Variants in ISM1 observed in about 807,000 individuals in gnomAD.
ISM1 encodes isthmin 1, also known as isthmin-1.
In ISM1, 25 loss-of-function variants were observed where a neutral mutation model predicts 46.3. The ratio of observed to expected loss-of-function variants is 0.54; its 90% confidence interval spans 0.39 to 0.75. The LOEUF (loss-of-function observed/expected upper bound fraction) is 0.75. ISM1 is among the 30% of genes least tolerant of loss of function. The pLI is 0.00. For synonymous variants in ISM1, 255 were observed against 256.7 expected (o/e 0.99, Z 0.06); for missense variants, 536 against 625.4 (o/e 0.86, Z 1.52).
intron 3 of ISM1, among the ~76,000 whole-genome samples, chr20:13,284,220 T>C (rs1278262556): frequency 6.6e-6 from 1 of 152,202 alleles, no homozygotes; most frequent in Non-Finnish European, 1.5e-5. Context: ...GGTTTACTAG[T>C]GGCCAAGTCA....
intron 3 of ISM1, among the ~76,000 whole-genome samples, chr20:13,280,762 A>G (rs2040230763): frequency 6.6e-6 from 1 of 152,174 alleles, no homozygotes; most frequent in African/African-American, 2.4e-5. Context: ...ACATGGCCCC[A>G]CCTTGGTGCA....
the ISM1 span, among the ~76,000 whole-genome samples, chr20:13,315,793 A>T: frequency 6.6e-6 from 1 of 152,128 alleles, no homozygotes; most frequent in East Asian, 1.9e-4. Context: ...GAAATCATAC[A>T]ATGTCCACTC....
In ISM1 at chr20:13,241,729, C is replaced by CA. The variant is rs1317840136; in HGVS notation, c.138+19816dup. Among the ~76,000 whole-genome samples the CA allele has an allele frequency of 2.6e-5, 4 of 152,106 alleles. No individual in the cohort carries two copies. In the East Asian group the frequency reaches 7.7e-4, roughly 29 times the overall value. On this transcript the variant is annotated intron_variant, in intron 1 of 5. Coordinates refer to ENST00000262487, the MANE Select transcript of ISM1 (RefSeq NM_080826.2). ...AGCAAGTAAGGTTGTGAAGGAAGGGCAGTTGGATTTTGGAACAGTGCTTAG... is the reference window on the plus strand; with the variant it reads ...AGCAAGTAAGGTTGTGAAGGAAGGGCAAGTTGGATTTTGGAACAGTGCTTAG...
At chr20:13,286,792 A>G (rs2040298194) in intron 3 of ISM1, among the ~76,000 whole-genome samples, 2 of 152,252 alleles carry the variant, frequency 1.3e-5, no homozygotes, top group Admixed American at 6.5e-5. Context: ...CATTTCAGGT[A>G]GAAACATGTG....
intron 1 of ISM1, 49 bp downstream of exon 1, chr20:13,221,963 T>TGGGGC: frequency 7.7e-7 from 1 of 1,300,722 alleles, no homozygotes; most frequent in South Asian, 2.2e-5. Flanking sequence ...GGACGGTTTG[T>TGGGGC]GGGGCGGGGG....
intron 1 of ISM1, among the ~76,000 whole-genome samples, chr20:13,252,722 C>T (rs2039881471): frequency 6.6e-6 from 1 of 152,020 alleles, no homozygotes; most frequent in African/African-American, 2.4e-5. Context: ...ACCACTTGCA[C>T]TCCAGCTTGG....
chr20:13,247,539 T>TGC (rs1287156519), intron 1 of ISM1, among the ~76,000 whole-genome samples: 2 of 151,590 alleles, frequency 1.3e-5, no homozygotes, highest in African/African-American at 4.9e-5. Flanking sequence ...TGTGTGTGTG[T>TGC]GTGTGTGTGT....
At chr20:13,302,187 T>C (rs1302762919), downstream of ISM1, among the ~76,000 whole-genome samples, 1 of 152,146 alleles carries the variant, frequency 6.6e-6, no homozygotes, top group Non-Finnish European at 1.5e-5. Flanking sequence ...AAATGACTAA[T>C]GTGAGCCATG....
chr20:13,254,212 G>T (rs1023937861), intron 1 of ISM1, among the ~76,000 whole-genome samples: 1 of 151,590 alleles, frequency 6.6e-6, no homozygotes, highest in Non-Finnish European at 1.5e-5. Flanking sequence ...CAGCCTGGGC[G>T]ACAGAGCAAA....
At chr20:13,318,452 T>G in the ISM1 span, among the ~76,000 whole-genome samples, 3 of 152,338 alleles carry the variant, frequency 2.0e-5, no homozygotes, top group East Asian at 5.8e-4. Context: ...ACGCTTACCA[T>G]AGGATCCAAC....
At chr20:13,231,397 A>G (rs1047858034) in intron 1 of ISM1, among the ~76,000 whole-genome samples, 14 of 152,218 alleles carry the variant, frequency 9.2e-5, no homozygotes, top group African/African-American at 3.1e-4. Context: ...GGCAAAGCCT[A>G]CAAATTCCTG....
At chr20:13,229,438 T>C (rs917547914) in intron 1 of ISM1, among the ~76,000 whole-genome samples, 2 of 152,232 alleles carry the variant, frequency 1.3e-5, no homozygotes, top group Non-Finnish European at 1.5e-5. Flanking sequence ...CATTTTTCCA[T>C]GTGCCTGGCT....
chr20:13,222,705 A>G (rs1176220349), intron 1 of ISM1, among the ~76,000 whole-genome samples: 1 of 152,218 alleles, frequency 6.6e-6, no homozygotes, highest in Non-Finnish European at 1.5e-5. Flanking sequence ...ACGGTCAGAC[A>G]TAATGTGAGT....
At chr20:13,255,468 G>A (rs1384906581) in intron 1 of ISM1, among the ~76,000 whole-genome samples, 3 of 152,146 alleles carry the variant, frequency 2.0e-5, no homozygotes, top group African/African-American at 7.2e-5. Flanking sequence ...GTATATATAT[G>A]GTAGAGAAGT....
chr20:13,303,197 G>A (rs1052765505), downstream of ISM1, among the ~76,000 whole-genome samples: 1 of 152,166 alleles, frequency 6.6e-6, no homozygotes, highest in Non-Finnish European at 1.5e-5. Context: ...CAAAGCCCAG[G>A]CTCTTAAACC....
At chr20:13,264,290 T>C (rs2040020190) in intron 1 of ISM1, among the ~76,000 whole-genome samples, 1 of 152,182 alleles carries the variant, frequency 6.6e-6, no homozygotes, top group South Asian at 2.1e-4. Flanking sequence ...GTACTAAACT[T>C]TCCTAGACAG....
rs533480905 is a variant in ISM1, at chr20:13,272,326, C to T, written c.378+1583C>T. ...TCTTAACACCAGCATCATGGGAGCACGCAAATCTCACTGAGAACACTTGGA... is the reference window on the plus strand; with the variant it reads ...TCTTAACACCAGCATCATGGGAGCATGCAAATCTCACTGAGAACACTTGGA... On this transcript the variant is annotated intron_variant, in intron 2 of 5. Transcript: ENST00000262487. Among the ~76,000 whole-genome samples, 26 of 152,262 alleles carry T rather than the reference C, an allele frequency of 1.7e-4. No individual in the cohort carries two copies. In the South Asian group the frequency reaches 2.9e-3, roughly 17 times the overall value.
intron 5 of ISM1, 98 bp from the exon 6 acceptor site, chr20:13,298,843 CG>C: frequency 8.4e-7 from 1 of 1,197,058 alleles, no homozygotes; most frequent in Non-Finnish European, 1.2e-6. Flanking sequence ...TGTCCTCCTG[CG>C]GGCCCTCAGG....
the ISM1 span, among the ~76,000 whole-genome samples, chr20:13,312,979 G>A: frequency 6.6e-6 from 1 of 152,170 alleles, no homozygotes; most frequent in Non-Finnish European, 1.5e-5. Flanking sequence ...GGTGGGGTGT[G>A]GAGGAAGTAA....
Sources: gnomAD v4.1 joint callset for allele counts (sites outside exome capture counted in the v4.1 genomes callset) on GRCh38, gnomAD v4.1.1 for gene constraint, MANE v1.5 for transcripts, NCBI Gene and HGNC (gene_info 2026-07-23, HGNC 2026-07-21) for gene names.